The following CYTH3 variants were observed in gnomAD, a reference collection of about 807,000 sequenced individuals.
The protein encoded by CYTH3 is cytohesin-3.
In CYTH3, 23 loss-of-function variants were observed where a neutral mutation model predicts 55.1. That is an observed-to-expected ratio of 0.42 (90% CI 0.30 to 0.59). The LOEUF (loss-of-function observed/expected upper bound fraction) is 0.59, where lower values mean the gene tolerates loss of function less well. CYTH3 is among the 20% of genes least tolerant of loss of function. The pLI is 0.20. For synonymous variants in CYTH3, 249 were observed against 194.9 expected (o/e 1.28, Z -2.31); for missense variants, 413 against 524.8 (o/e 0.79, Z 2.08).
intron 1 of CYTH3, among the ~76,000 whole-genome samples, chr7:6,271,976 G>A (rs1475774065): frequency 2.6e-5 from 4 of 152,058 alleles, no homozygotes; most frequent in African/African-American, 4.8e-5. Context: ...CTTTCCAACC[G>A]TTTCCCCTGC....
At chr7:6,168,978 C>G (rs1208899636) in intron 9 of CYTH3, among the ~76,000 whole-genome samples, 1 of 152,228 alleles carries the variant, frequency 6.6e-6, no homozygotes, top group South Asian at 2.1e-4. Context: ...CCCACCGGCC[C>G]TCACTCTAGA....
chr7:6,216,310 C>G (rs1476229905), intron 1 of CYTH3, among the ~76,000 whole-genome samples: 3 of 152,146 alleles, frequency 2.0e-5, no homozygotes, highest in Non-Finnish European at 4.4e-5. Flanking sequence ...TTCATTTGAA[C>G]TGGTAAAGTG....
chr7:6,165,117 A>G, intron 12 of CYTH3, 101 bp from the exon 13 acceptor site: 1 of 1,568,528 alleles, frequency 6.4e-7, no homozygotes, highest in Non-Finnish European at 8.7e-7. Context: ...CCGCAGGCTC[A>G]GATCTGAACG....
chr7:6,241,201 T>C (rs1779664156), intron 1 of CYTH3, among the ~76,000 whole-genome samples: 1 of 151,860 alleles, frequency 6.6e-6, no homozygotes, highest in Non-Finnish European at 1.5e-5. Context: ...AAAACCCAAG[T>C]AAACCCAAGG....
intron 1 of CYTH3, among the ~76,000 whole-genome samples, chr7:6,246,505 T>A (rs1311588890): frequency 6.6e-6 from 1 of 152,324 alleles, no homozygotes; most frequent in East Asian, 1.9e-4. Flanking sequence ...TCCTCACACA[T>A]GTAGATGTGT....
chr7:6,212,558 A>T (rs898779897), intron 1 of CYTH3: 3 of 151,790 alleles, frequency 2.0e-5, no homozygotes, highest in African/African-American at 4.8e-5. Context: ...GCATAAATAT[A>T]AAAAAAAAGT....
chr7:6,181,060 T>C (rs1166394600), intron 4 of CYTH3, among the ~76,000 whole-genome samples: 1 of 152,226 alleles, frequency 6.6e-6, no homozygotes, highest in Non-Finnish European at 1.5e-5. Context: ...CCTATTTCTC[T>C]TCAGTGATTA....
At chr7:6,240,668 C>G (rs564105949) in intron 1 of CYTH3, among the ~76,000 whole-genome samples, 82 of 152,246 alleles carry the variant, frequency 5.4e-4, no homozygotes, top group African/African-American at 1.8e-3. Flanking sequence ...TACCTCACGC[C>G]ACACATCAGA....
intron 1 of CYTH3, among the ~76,000 whole-genome samples, chr7:6,223,306 G>A (rs1470012180): frequency 5.3e-5 from 8 of 152,178 alleles, no homozygotes; most frequent in South Asian, 4.1e-4. Flanking sequence ...AGGCCGCCCC[G>A]TCTGGGAAGT....
At position 6,190,430 on chromosome 7, in the gene CYTH3, T is replaced by G. The variant is rs1014100304; in HGVS notation, c.117+19A>C. ...AAAAACAGAGTTTTGGATTTTTGGT[T>G]TTTTTTTTTTTTTTTTACCTCAATG... On this transcript the variant is annotated intron_variant, in intron 2 of 12. Coordinates refer to ENST00000350796, the MANE Select transcript of CYTH3 (RefSeq NM_004227.4). The G allele has an allele frequency of 1.3e-4, 66 of 512,262 alleles. No homozygotes were observed. Among genetic ancestry groups the G allele is most frequent in the South Asian group, 9.2e-4 (24 of 26,184 alleles). 31.7% of individuals were successfully genotyped at this position (512,262 alleles called of 1,614,324 possible).
rs145607648 is a variant in CYTH3, at chr7:6,203,140, T to C, written c.35-12609A>G. Among the ~76,000 whole-genome samples, 282 of 150,956 alleles carry C rather than the reference T, an allele frequency of 1.9e-3. 4 individuals are homozygous for C. In the South Asian group the frequency reaches 0.044, roughly 23 times the overall value. On this transcript the variant is annotated intron_variant, in intron 1 of 12. Coordinates refer to ENST00000350796, the MANE Select transcript of CYTH3 (RefSeq NM_004227.4). ...TGCATCTAACAAAATAGTCTCAAAA[T>C]ATATAAAGCAAAAATTGACAGATGT...
At chr7:6,252,782 T>C (rs1225559766) in intron 1 of CYTH3, among the ~76,000 whole-genome samples, 3 of 152,258 alleles carry the variant, frequency 2.0e-5, no homozygotes, top group Admixed American at 1.3e-4. Flanking sequence ...AAAGTATCTC[T>C]TGAAAATTAT....
intron 5 of CYTH3, among the ~76,000 whole-genome samples, 162 bp from the exon 6 acceptor site, chr7:6,173,895 A>G (rs1384244497): frequency 6.6e-6 from 1 of 152,178 alleles, no homozygotes; most frequent in Non-Finnish European, 1.5e-5. Context: ...AGGGCTGGCC[A>G]TGTTACCCAG....
chr7:6,250,497 C>A (rs1779933506), intron 1 of CYTH3, among the ~76,000 whole-genome samples: 1 of 152,158 alleles, frequency 6.6e-6, no homozygotes, highest in African/African-American at 2.4e-5. Context: ...ACAGGAGAAG[C>A]ACAGACACTG....
At chr7:6,272,410 G>GGGGGGGGGGGGCCGGCC in intron 1 of CYTH3, 64 bp downstream of exon 1, 1 of 1,216,618 alleles carries the variant, frequency 8.2e-7, no homozygotes, top group Non-Finnish European at 1.1e-6. Flanking sequence ...CCGCGCCCTC[G>GGGGGGGGGGGGCCGGCC]ACCCCCAGCC....
At chr7:6,175,545 C>CTTT (rs1177188782) in intron 5 of CYTH3, among the ~76,000 whole-genome samples, 1,042 of 88,904 alleles carry the variant, frequency 0.012, 26 homozygotes, top group East Asian at 0.029. Flanking sequence ...ACACTTTAGT[C>CTTT]TTTTTTTTTT....
intron 9 of CYTH3, 70 bp from the exon 10 acceptor site, chr7:6,165,880 T>C (rs1782985895): frequency 6.7e-7 from 1 of 1,499,736 alleles, no homozygotes; most frequent in Non-Finnish European, 9.3e-7. Flanking sequence ...GAGGGGGCCC[T>C]GGACCTGCAC....
At chr7:6,173,234 A>G (rs1225584849) in intron 6 of CYTH3, among the ~76,000 whole-genome samples, 1 of 152,206 alleles carries the variant, frequency 6.6e-6, no homozygotes, top group Non-Finnish European at 1.5e-5. Context: ...CCCAGACACC[A>G]AAATGGCGAG....
chr7:6,248,332 C>CT (rs1241829306), intron 1 of CYTH3, among the ~76,000 whole-genome samples: 3 of 149,934 alleles, frequency 2.0e-5, no homozygotes, highest in Non-Finnish European at 4.4e-5. Flanking sequence ...TTTTCTAACT[C>CT]TAAGTTTATA....
Sources: gnomAD v4.1 joint callset for allele counts (sites outside exome capture counted in the v4.1 genomes callset) on GRCh38, gnomAD v4.1.1 for gene constraint, MANE v1.5 for transcripts, NCBI Gene and HGNC (gene_info 2026-07-23, HGNC 2026-07-21) for gene names.